ARHGAP15: variants seen among roughly 807,000 people sequenced by gnomAD.
The protein encoded by ARHGAP15 is Rho GTPase activating protein 15.
ARHGAP15 carries 51 observed loss-of-function variants against 63.7 expected under a neutral mutation model. The ratio of observed to expected loss-of-function variants is 0.80; its 90% CI spans 0.64 to 1.01. ARHGAP15 has a LOEUF of 1.01. Among genes scored for constraint, ARHGAP15 ranks in the 50% least tolerant of loss-of-function variants. The pLI, the probability that ARHGAP15 is intolerant of heterozygous loss-of-function variation, is 0.00. For missense variants in ARHGAP15, 560 were observed against 564.6 expected (o/e 0.99, Z 0.08); for synonymous variants, 191 against 193.8 (o/e 0.99, Z 0.12).
At chr2:143,259,502 T>C (rs1680605311) in intron 6 of ARHGAP15, among the ~76,000 whole-genome samples, 1 of 152,186 alleles carries the variant, frequency 6.6e-6, no homozygotes, top group Non-Finnish European at 1.5e-5. Context: ...GTTCTATTAT[T>C]AACATAGGAA....
At chr2:143,756,990 A>G (rs150535100) in intron 13 of ARHGAP15, among the ~76,000 whole-genome samples, 34 of 152,106 alleles carry the variant, frequency 2.2e-4, no homozygotes, top group African/African-American at 7.7e-4. Context: ...AAATACATTT[A>G]TATCACAGAG....
At chr2:143,321,160 G>A (rs954012171) in intron 6 of ARHGAP15, among the ~76,000 whole-genome samples, 10 of 152,272 alleles carry the variant, frequency 6.6e-5, no homozygotes, top group South Asian at 2.1e-4. Context: ...AATGAAGATC[G>A]TGTGAATGTG....
In ARHGAP15 at chr2:143,162,980, T is replaced by A. The variant is rs187476865; in HGVS notation, c.165+7325T>A. On this transcript the variant is annotated intron_variant, in intron 2 of 13. Coordinates refer to ENST00000295095, the MANE Select transcript of ARHGAP15 (RefSeq NM_018460.4). ...ATTTACATTTATTTATGCCTGTATG[T>A]CTTCCCATTTTAATATCTGCCTCAA... Among the ~76,000 whole-genome samples, 4 of 152,170 alleles carry A rather than the reference T, an allele frequency of 2.6e-5. No individual in the cohort carries two copies. In the East Asian group the frequency reaches 7.8e-4, roughly 30 times the overall value.
intron 2 of ARHGAP15, among the ~76,000 whole-genome samples, chr2:143,178,219 T>G (rs923767511): frequency 6.6e-6 from 1 of 152,206 alleles, no homozygotes; most frequent in African/African-American, 2.4e-5. Flanking sequence ...GTCAAGGTCC[T>G]CCACAAAACT....
At chr2:143,665,760 C>T (rs1682132212) in intron 12 of ARHGAP15, among the ~76,000 whole-genome samples, 1 of 151,702 alleles carries the variant, frequency 6.6e-6, no homozygotes, top group Non-Finnish European at 1.5e-5. Context: ...CACAGGCATT[C>T]TTATACACCA....
intron 6 of ARHGAP15, among the ~76,000 whole-genome samples, chr2:143,346,220 T>TCTCACACACACACTCTCTCTCACA (rs201454435): frequency 1.6e-5 from 2 of 124,926 alleles, no homozygotes; most frequent in Non-Finnish European, 3.2e-5. Context: ...ACACTCTCTC[T>TCTCACACACACACTCTCTCTCACA]CACACACACT....
chr2:143,559,292 A>G (rs1032921069), intron 11 of ARHGAP15, among the ~76,000 whole-genome samples: 1 of 152,170 alleles, frequency 6.6e-6, no homozygotes, highest in African/African-American at 2.4e-5. Flanking sequence ...AAAATATGAA[A>G]TCTGTCCATC....
intron 6 of ARHGAP15, among the ~76,000 whole-genome samples, chr2:143,365,137 C>G (rs1335377923): frequency 2.0e-5 from 3 of 152,162 alleles, no homozygotes; most frequent in African/African-American, 7.2e-5. Flanking sequence ...AAGAAATGTT[C>G]TAAAGTTCTC....
At chr2:143,158,463 T>C (rs1200043433) in intron 2 of ARHGAP15, among the ~76,000 whole-genome samples, 1 of 151,964 alleles carries the variant, frequency 6.6e-6, no homozygotes, top group Non-Finnish European at 1.5e-5. Flanking sequence ...AAAACAGATA[T>C]GAATCCTCCA....
intron 10 of ARHGAP15, among the ~76,000 whole-genome samples, chr2:143,524,955 T>C (rs1694203040): frequency 6.6e-6 from 1 of 152,192 alleles, no homozygotes; most frequent in Non-Finnish European, 1.5e-5. Flanking sequence ...ATTTTCCTGA[T>C]ATTTGATCCA....
At chr2:143,141,736 T>C (rs1054313254) in intron 1 of ARHGAP15, among the ~76,000 whole-genome samples, 69 of 152,294 alleles carry the variant, frequency 4.5e-4, no homozygotes, top group African/African-American at 1.6e-3. Context: ...CTCCTGGTTC[T>C]GCTCTTCATT....
intron 4 of ARHGAP15, among the ~76,000 whole-genome samples, chr2:143,216,662 G>GC (rs1442427485): frequency 6.6e-5 from 10 of 152,156 alleles, no homozygotes; most frequent in African/African-American, 2.4e-4. Flanking sequence ...TAAATGAGAT[G>GC]CTTTTTGTCC....
chr2:143,255,783 A>G (rs1428649660), intron 6 of ARHGAP15, among the ~76,000 whole-genome samples: 1 of 152,192 alleles, frequency 6.6e-6, no homozygotes, highest in African/African-American at 2.4e-5. Context: ...CTTCACATTC[A>G]TACATGCATT....
chr2:143,749,239 G>A (rs1686280172), intron 13 of ARHGAP15, among the ~76,000 whole-genome samples: 1 of 152,192 alleles, frequency 6.6e-6, no homozygotes, highest in Admixed American at 6.5e-5. Context: ...CAGGACAGAT[G>A]AGTCCACCAG....
intron 11 of ARHGAP15, among the ~76,000 whole-genome samples, chr2:143,589,441 A>G (rs934950460): frequency 2.0e-5 from 3 of 152,236 alleles, no homozygotes; most frequent in Non-Finnish European, 4.4e-5. Flanking sequence ...TCATTTAGTA[A>G]TCACAGAATA....
intron 10 of ARHGAP15, among the ~76,000 whole-genome samples, chr2:143,523,761 C>T (rs1694151831): frequency 6.6e-6 from 1 of 152,010 alleles, no homozygotes. Context: ...TCATGATTCC[C>T]GGTTCTGGTT....
intron 6 of ARHGAP15, among the ~76,000 whole-genome samples, chr2:143,382,887 C>T (rs2104945596): frequency 6.6e-6 from 1 of 152,270 alleles, no homozygotes; most frequent in African/African-American, 2.4e-5. Flanking sequence ...GCTTAAGTGA[C>T]AGATTCGAAC....
At chr2:143,725,633 A>G (rs1685240285) in intron 13 of ARHGAP15, among the ~76,000 whole-genome samples, 2 of 152,226 alleles carry the variant, frequency 1.3e-5, no homozygotes. Context: ...AGACATAGTT[A>G]TGGCAATGCT....
chr2:143,646,120 A>G (rs756579812), intron 12 of ARHGAP15, among the ~76,000 whole-genome samples: 17 of 152,080 alleles, frequency 1.1e-4, no homozygotes, highest in Non-Finnish European at 1.2e-4. Flanking sequence ...ACAGTCCAGC[A>G]GGGGAAACAG....
Sources: allele counts gnomAD v4.1 joint callset (sites outside exome capture counted in the v4.1 genomes callset), GRCh38; gene constraint gnomAD v4.1.1; transcripts MANE v1.5; gene names NCBI Gene and HGNC (gene_info 2026-07-23, HGNC 2026-07-21).